Variants in MALRD1 observed in about 807,000 individuals in gnomAD.
MALRD1 encodes MAM and LDL-receptor class A domain-containing protein 1.
Under a neutral mutation model 242.1 loss-of-function variants are expected in MALRD1, and 247 were observed. The observed-to-expected ratio is 1.02, with a 90% CI of 0.92 to 1.13. MALRD1 has a LOEUF of 1.13. MALRD1 is among the 50% of genes most tolerant of loss of function. MALRD1 has a pLI of 0.00. For synonymous variants in MALRD1, 995 were observed against 866.6 expected (o/e 1.15, Z -2.60); for missense variants, 2,989 against 2,533.1 (o/e 1.18, Z -3.86).
At chr10:19,153,122 G>A (rs1834002635) in intron 11 of MALRD1, among the ~76,000 whole-genome samples, 1 of 152,090 alleles carries the variant, frequency 6.6e-6, no homozygotes, top group Admixed American at 6.6e-5. Flanking sequence ...TGTTGTAACT[G>A]AATATGGAGA....
At chr10:19,671,463 T>A (rs1358720309) in intron 36 of MALRD1, among the ~76,000 whole-genome samples, 4 of 151,802 alleles carry the variant, frequency 2.6e-5, no homozygotes, top group African/African-American at 9.7e-5. Context: ...ACTAAAAATA[T>A]AAAAATTAGT....
intron 17 of MALRD1, 53 bp from the exon 18 acceptor site, chr10:19,209,215 G>A (rs746054356): frequency 4.6e-5 from 63 of 1,382,634 alleles, no homozygotes; most frequent in Non-Finnish European, 5.4e-5. Context: ...GAATGTGGTT[G>A]CATGTATTTT....
intron 29 of MALRD1, 117 bp from the exon 30 acceptor site, chr10:19,491,400 C>A (rs1381628108): frequency 3.2e-6 from 4 of 1,242,112 alleles, no homozygotes; most frequent in Middle Eastern, 2.0e-4. Flanking sequence ...TCTTAGGCAA[C>A]TGTTGAAATC....
chr10:19,088,318 G>A, intron 4 of MALRD1, 133 bp downstream of exon 4: 2 of 781,226 alleles, frequency 2.6e-6, no homozygotes, highest in Non-Finnish European at 3.5e-6. Context: ...ACTTTCAAAT[G>A]CTGAAAGTGG....
intron 26 of MALRD1, among the ~76,000 whole-genome samples, chr10:19,365,365 G>A (rs917465033): frequency 6.6e-6 from 1 of 151,946 alleles, no homozygotes. Context: ...GAAAATAGTT[G>A]AACTGGACAT....
rs573590533 is a variant in MALRD1 at position 19,315,687 on chromosome 10, TA to T, written c.3420-8260del. ...TATGACTATAGTTATATATTATATA[TA>T]ATTATATATAATACATATTTAATTA... On this transcript the variant is annotated intron_variant, in intron 21 of 39. Coordinates refer to ENST00000454679, the MANE Select transcript of MALRD1 (RefSeq NM_001142308.3). Among the ~76,000 whole-genome samples the T allele has an allele frequency of 4.6e-3, 617 of 133,498 alleles. 3 individuals carry two copies. The highest frequency in any genetic ancestry group is 0.016 in the African/African-American group (587 of 35,732). 87.6% of individuals were successfully genotyped at this position (133,498 alleles called of 152,430 possible).
intron 24 of MALRD1, among the ~76,000 whole-genome samples, chr10:19,342,829 C>G (rs1353264555): frequency 1.3e-5 from 2 of 151,966 alleles, no homozygotes; most frequent in Non-Finnish European, 2.9e-5. Flanking sequence ...CAGCAGTGGT[C>G]CCTCCTCTCT....
intron 32 of MALRD1, among the ~76,000 whole-genome samples, chr10:19,548,235 G>C (rs1835329229): frequency 6.6e-6 from 1 of 151,768 alleles, no homozygotes; most frequent in African/African-American, 2.4e-5. Flanking sequence ...CTGACCTCAG[G>C]TGATTTGCCC....
intron 32 of MALRD1, among the ~76,000 whole-genome samples, chr10:19,548,551 G>T (rs185965065): frequency 6.6e-6 from 1 of 152,154 alleles, no homozygotes; most frequent in East Asian, 1.9e-4. Flanking sequence ...TATTAAAATT[G>T]TCACCGTGCC....
chr10:19,672,150 C>T (rs913081043), intron 36 of MALRD1, among the ~76,000 whole-genome samples: 1 of 152,056 alleles, frequency 6.6e-6, no homozygotes, highest in Non-Finnish European at 1.5e-5. Flanking sequence ...CGCATCTTCA[C>T]AGGTGTTACA....
chr10:19,453,648 G>T lies in MALRD1; in HGVS notation c.5029+3158G>T, dbSNP rs201842281. Among the ~76,000 whole-genome samples, 9 of 152,216 alleles carry T rather than the reference G, an allele frequency of 5.9e-5. No homozygotes were observed. The East Asian group carries it at 1.7e-3, about 29-fold the overall frequency. ...TCCAGCACTTTGGGAGGCTGAGGCA[G>T]GTGGATTAATTAAGGCCAGGAGTTC... On this transcript the variant is annotated intron_variant, in intron 29 of 39. Coordinates refer to ENST00000454679, the MANE Select transcript of MALRD1 (RefSeq NM_001142308.3).
intron 9 of MALRD1, among the ~76,000 whole-genome samples, chr10:19,135,013 AGTAT>A (rs1833280017): frequency 6.6e-6 from 1 of 152,192 alleles, no homozygotes; most frequent in Admixed American, 6.5e-5. Flanking sequence ...TTATGGGAAA[AGTAT>A]GTAGCAGCAT....
chr10:19,124,635 C>T lies in MALRD1; in HGVS notation c.908C>T (p.Ser303Phe), dbSNP rs947694405. 7.3e-6 allele frequency: 9 copies of T among 1,233,576 alleles called. No homozygotes were observed. The highest frequency in any genetic ancestry group is 8.4e-5 in the Admixed American group (2 of 23,682). The allele number at this position is 1,233,576 out of a possible 1,614,324, so 76.4% of individuals were successfully genotyped here. ...GCGAGAGAGATCCCTGCATTCGAAT[C>T]CACACCTCAGCAGGATCAAGGAGGT... The part of the protein sequence containing the change: ...TKAREIPAFE[S>F]TPQQDQGGDD... Residue 303 changes from serine (S) to phenylalanine (F), a missense_variant, in exon 7 of 40, where the codon TCC becomes TTC. Physicochemically the swap from Ser to Phe is radical, Grantham distance 155 (BLOSUM62 -2). Coordinates refer to ENST00000454679, the MANE Select transcript of MALRD1 (RefSeq NM_001142308.3).
chr10:19,697,492 G>C (rs1016212729), intron 38 of MALRD1, among the ~76,000 whole-genome samples: 2 of 151,334 alleles, frequency 1.3e-5, no homozygotes, highest in African/African-American at 4.9e-5. Context: ...CTCTAGACTA[G>C]TGTCTGACCA....
At chr10:19,703,847 A>T (rs1833730838) in intron 38 of MALRD1, among the ~76,000 whole-genome samples, 1 of 152,182 alleles carries the variant, frequency 6.6e-6, no homozygotes, top group African/African-American at 2.4e-5. Flanking sequence ...GTGAGCTGAG[A>T]TTGTGCCACT....
At chr10:19,244,949 G>C (rs181216138) in intron 18 of MALRD1, among the ~76,000 whole-genome samples, 1 of 152,288 alleles carries the variant, frequency 6.6e-6, no homozygotes, top group Admixed American at 6.5e-5. Context: ...AGACCATCAA[G>C]AGAGGAGAAG....
At chr10:19,513,861 C>T (rs1833515567) in intron 31 of MALRD1, among the ~76,000 whole-genome samples, 1 of 150,734 alleles carries the variant, frequency 6.6e-6, no homozygotes, top group African/African-American at 2.5e-5. Flanking sequence ...TCTGCAACAG[C>T]ATTTTCTTGG....
chr10:19,559,792 G>A (rs566732109), intron 32 of MALRD1, among the ~76,000 whole-genome samples: 1 of 152,090 alleles, frequency 6.6e-6, no homozygotes, highest in African/African-American at 2.4e-5. Context: ...AAATTTACAA[G>A]AAAAAAGAGA....
At chr10:19,578,387 A>G (rs1443051379) in intron 33 of MALRD1, among the ~76,000 whole-genome samples, 1 of 152,186 alleles carries the variant, frequency 6.6e-6, no homozygotes, top group Non-Finnish European at 1.5e-5. Context: ...AATAGAAAGC[A>G]TGGGATTAGA....
Sources: allele counts gnomAD v4.1 joint callset (sites outside exome capture counted in the v4.1 genomes callset), GRCh38; gene constraint gnomAD v4.1.1; transcripts MANE v1.5; gene names NCBI Gene and HGNC (gene_info 2026-07-23, HGNC 2026-07-21).